The following RBM20 variants were observed in gnomAD, a reference collection of about 807,000 sequenced individuals.
RBM20 encodes RNA binding motif protein 20.
RBM20 carries 51 observed loss-of-function variants against 110.1 expected under a neutral mutation model. The observed-to-expected ratio is 0.46, with a 90% CI of 0.37 to 0.59. RBM20 has a LOEUF of 0.59. RBM20 is among the 20% of genes least tolerant of loss of function. The probability of loss-of-function intolerance (pLI) is 0.00; values close to 1 mark genes in which losing one functional copy is unlikely to be tolerated. For missense variants in RBM20, 1,512 were observed against 1,574.9 expected (o/e 0.96, Z 0.68); for synonymous variants, 589 against 618.2 (o/e 0.95, Z 0.70).
At position 110,823,603 on chromosome 10, in the gene RBM20, G is replaced by C. The variant is rs542392971; in HGVS notation, c.3440G>C (p.Ser1147Thr). 1.9e-6 allele frequency: 3 copies of C among 1,551,508 alleles called. No individual in the cohort carries two copies. In the African/African-American group the frequency reaches 4.1e-5, roughly 21 times the overall value. The stretch of plus-strand genomic sequence containing the variant: ...CCAGAGGATGTGTTCAGTGAACTTA[G>C]CATTCCTCTAGGTAAGCAAAACACA... ...WEPEDVFSELSIPLGVEFVVP... is the reference protein window; with the variant it reads ...WEPEDVFSELTIPLGVEFVVP... The change falls in exon 12 of 14, where the codon AGC (serine) becomes ACC (threonine). Residue 1147 changes from serine (S) to threonine (T), a missense_variant. Physicochemically the swap from Ser to Thr is moderately conservative, Grantham distance 58 (BLOSUM62 1). This residue lies in a region of RBM20 where 358 missense variants were observed against 384.2 expected (regional missense o/e 0.93). Transcript: ENST00000369519.
At position 110,789,178 on chromosome 10, in the gene RBM20, G is replaced by A. The variant is rs1307337817; in HGVS notation, c.1527+4289G>A. ...ACTAATGTCTGTGGAGCGAAGAGCAGTTACTGCCTCTAAAGCTCCCTGTTT... is the reference window on the plus strand; with the variant it reads ...ACTAATGTCTGTGGAGCGAAGAGCAATTACTGCCTCTAAAGCTCCCTGTTT... On this transcript the variant is annotated intron_variant, in intron 5 of 13. Transcript: ENST00000369519. 4.6e-5 allele frequency among the ~76,000 whole-genome samples: 7 copies of A among 152,344 alleles called. No homozygotes were observed. The East Asian group carries it at 1.3e-3, about 29-fold the overall frequency.
chr10:110,713,070 C>T (rs1477234187), intron 1 of RBM20, among the ~76,000 whole-genome samples: 1 of 152,206 alleles, frequency 6.6e-6, no homozygotes, highest in Non-Finnish European at 1.5e-5. Flanking sequence ...TCCACTCCCT[C>T]AGTGCTTGCT....
At chr10:110,677,179 C>A (rs1388186337) in intron 1 of RBM20, among the ~76,000 whole-genome samples, 1 of 152,102 alleles carries the variant, frequency 6.6e-6, no homozygotes, top group Non-Finnish European at 1.5e-5. Context: ...CTAGCTCAGG[C>A]CTCTCTCCTC....
At chr10:110,808,351 G>T (rs1376483487) in intron 7 of RBM20, among the ~76,000 whole-genome samples, 1 of 152,244 alleles carries the variant, frequency 6.6e-6, no homozygotes, top group Admixed American at 6.5e-5. Context: ...ACAAGGTCCA[G>T]TTTAAGTGGC....
rs869025504 is a variant in RBM20 at position 110,783,371 on chromosome 10, G to A, written c.1281G>A (p.Trp427Ter). ...TTTCTTTCCTTCTGACCTAGGACTGGGAGCTGCATGTGAAAGGGAAGCTGC... is the reference window on the plus strand; with the variant it reads ...TTTCTTTCCTTCTGACCTAGGACTGAGAGCTGCATGTGAAAGGGAAGCTGC... ...CDKKVFDLKD[W>*]ELHVKGKLHA... The change falls in exon 3 of 14, where the codon TGG (tryptophan) becomes TGA (stop). Residue 427 changes from tryptophan (W) to a stop codon, truncating the protein, a stop_gained. Transcript: ENST00000369519. LOFTEE classifies it high-confidence loss of function. 6.4e-7 allele frequency: 1 copy of A among 1,551,102 alleles called. No homozygotes were observed. The highest frequency in any genetic ancestry group is 2.4e-5 in the East Asian group (1 of 40,918).
rs1345203899 is a variant in RBM20, at chr10:110,663,726, C to T, written c.191+19081C>T. Among the ~76,000 whole-genome samples, 3 of 152,158 alleles carry T rather than the reference C, an allele frequency of 2.0e-5. No homozygotes were observed. In the East Asian group the frequency reaches 5.8e-4, roughly 29 times the overall value. On this transcript the variant is annotated intron_variant, in intron 1 of 13. Transcript: ENST00000369519. ...CTTATGTATCAAGTTGGTGGTTTAA[C>T]CACACAATTATTTCAGATAACTTGA...
At chr10:110,698,806 T>C (rs1262418339) in intron 1 of RBM20, among the ~76,000 whole-genome samples, 1 of 152,204 alleles carries the variant, frequency 6.6e-6, no homozygotes, top group Non-Finnish European at 1.5e-5. Context: ...CCTTGAAAAG[T>C]ACTTCAGATG....
At chr10:110,741,214 G>C (rs1267573200) in intron 1 of RBM20, among the ~76,000 whole-genome samples, 1 of 152,072 alleles carries the variant, frequency 6.6e-6, no homozygotes, top group African/African-American at 2.4e-5. Flanking sequence ...CTCCTTCCCA[G>C]TCAAGAAGCA....
At chr10:110,648,482 C>G (rs1490257278) in intron 1 of RBM20, among the ~76,000 whole-genome samples, 2 of 152,138 alleles carry the variant, frequency 1.3e-5, no homozygotes, top group Non-Finnish European at 2.9e-5. Flanking sequence ...TAAGAATTTG[C>G]TAAAAAGGGA....
intron 1 of RBM20, among the ~76,000 whole-genome samples, chr10:110,766,169 T>G (rs1844079142): frequency 5.3e-5 from 8 of 152,234 alleles, no homozygotes; most frequent in Admixed American, 5.2e-4. Context: ...AAGGCAGTTT[T>G]CAATCTGCTT....
intron 1 of RBM20, among the ~76,000 whole-genome samples, chr10:110,767,453 G>A (rs1280321469): frequency 1.9e-4 from 29 of 151,338 alleles, no homozygotes; most frequent in African/African-American, 6.1e-4. Flanking sequence ...CTTCCCAGAC[G>A]GGGTGGCTGC....
chr10:110,753,179 C>T (rs1192861282), intron 1 of RBM20, among the ~76,000 whole-genome samples: 7 of 151,710 alleles, frequency 4.6e-5, no homozygotes, highest in Admixed American at 6.6e-5. Flanking sequence ...CCTTGTGATC[C>T]GCCTCGGCCT....
At chr10:110,777,724 C>T (rs1481569851) in intron 1 of RBM20, among the ~76,000 whole-genome samples, 1 of 152,208 alleles carries the variant, frequency 6.6e-6, no homozygotes, top group East Asian at 1.9e-4. Flanking sequence ...CTCACGTGTC[C>T]TTTCAGTGGC....
chr10:110,737,177 C>CAAAAAAAA (rs550138775), intron 1 of RBM20, among the ~76,000 whole-genome samples: 388 of 26,380 alleles, frequency 0.015, 14 homozygotes, highest in African/African-American at 0.033. Context: ...AACTCTGCCT[C>CAAAAAAAA]AAAAAAAAAA....
chr10:110,648,714 A>AGCGG (rs1554886880), intron 1 of RBM20, among the ~76,000 whole-genome samples: 4 of 145,984 alleles, frequency 2.7e-5, no homozygotes, highest in East Asian at 3.9e-4. Context: ...AGGGAAGAAA[A>AGCGG]GGGGGGGGTG....
At chr10:110,835,661 A>C in intron 13 of RBM20, 2 of 454,432 alleles carry the variant, frequency 4.4e-6, no homozygotes, top group East Asian at 7.6e-5. Flanking sequence ...TCTACAGGAG[A>C]CATGTATTAC....
chr10:110,688,684 C>T (rs1425258749), intron 1 of RBM20, among the ~76,000 whole-genome samples: 1 of 152,326 alleles, frequency 6.6e-6, no homozygotes, highest in South Asian at 2.1e-4. Context: ...AAATCAAGCA[C>T]ATAGAGTTTC....
At chr10:110,767,344 A>C (rs1162372430) in intron 1 of RBM20, among the ~76,000 whole-genome samples, 36 of 95,180 alleles carry the variant, frequency 3.8e-4, no homozygotes, top group Admixed American at 1.2e-3. Context: ...TGGGGGGCTG[A>C]CCCCCCCACC....
chr10:110,834,315 TCTC>T (rs201491275), intron 13 of RBM20, among the ~76,000 whole-genome samples: 5,467 of 152,180 alleles, frequency 0.036, 317 homozygotes, highest in African/African-American at 0.12. Context: ...CGTTTGCTCT[TCTC>T]CTAGTCAGGC....
Sources: gnomAD v4.1 joint callset for allele counts (sites outside exome capture counted in the v4.1 genomes callset) on GRCh38, gnomAD v4.1.1 for gene constraint, gnomAD v4.1.1 regional missense constraint, MANE v1.5 for transcripts, NCBI Gene and HGNC (gene_info 2026-07-23, HGNC 2026-07-21) for gene names.